SEMA5A: variants seen among roughly 807,000 people sequenced by gnomAD.
SEMA5A encodes the protein semaphorin-5A.
In SEMA5A, 55 loss-of-function variants were observed where a neutral mutation model predicts 135.5. That is an observed-to-expected ratio of 0.41 (90% confidence interval 0.33 to 0.51). The LOEUF (loss-of-function observed/expected upper bound fraction) is 0.51, where lower values mean the gene tolerates loss of function less well. Among genes scored for constraint, SEMA5A ranks in the 20% least tolerant of loss-of-function variants. SEMA5A has a pLI of 0.37. For synonymous variants in SEMA5A, 580 were observed against 546.5 expected (o/e 1.06, Z -0.85); for missense variants, 1,290 against 1,419.9 (o/e 0.91, Z 1.47).
chr5:9,281,721 C>A (rs148033852), intron 5 of SEMA5A, among the ~76,000 whole-genome samples: 125 of 152,042 alleles, frequency 8.2e-4, no homozygotes, highest in Non-Finnish European at 1.3e-3. Flanking sequence ...AACTGATTAA[C>A]AGGAACCAAG....
intron 3 of SEMA5A, among the ~76,000 whole-genome samples, chr5:9,338,862 A>G (rs1753514748): frequency 6.6e-6 from 1 of 152,150 alleles, no homozygotes; most frequent in Non-Finnish European, 1.5e-5. Context: ...CTCATATCCT[A>G]AAGAAATCGC....
chr5:9,435,817 C>G (rs1433487649), intron 2 of SEMA5A, among the ~76,000 whole-genome samples: 1 of 152,194 alleles, frequency 6.6e-6, no homozygotes, highest in Admixed American at 6.5e-5. Flanking sequence ...GGCCTGTAAG[C>G]GCCAAAATGT....
chr5:9,491,885 C>G (rs2126801583), intron 1 of SEMA5A, among the ~76,000 whole-genome samples: 1 of 152,308 alleles, frequency 6.6e-6, no homozygotes, highest in Non-Finnish European at 1.5e-5. Context: ...CAGATAAAAT[C>G]AACTGACTTG....
intron 2 of SEMA5A, among the ~76,000 whole-genome samples, chr5:9,401,451 C>T (rs142299324): frequency 0.02 from 3,117 of 152,232 alleles, 48 homozygotes; most frequent in Non-Finnish European, 0.03. Flanking sequence ...TGTGCCACCT[C>T]GTAATGTGAG....
At chr5:9,123,403 G>C (rs1740935867) in intron 13 of SEMA5A, among the ~76,000 whole-genome samples, 1 of 149,826 alleles carries the variant, frequency 6.7e-6, no homozygotes, top group Non-Finnish European at 1.5e-5. Flanking sequence ...AAAATAAGAA[G>C]AGGAAGATGA....
Position 9,459,076 on chromosome 5 carries a change from G to A in SEMA5A, c.-174-21224C>T, listed in dbSNP as rs3798032. Among the ~76,000 whole-genome samples, 677 of 152,192 alleles carry A rather than the reference G, an allele frequency of 4.4e-3. 1 individual carries two copies. Among genetic ancestry groups the A allele is most frequent in the East Asian group, 0.025 (132 of 5,178 alleles). On this transcript the variant is annotated intron_variant, in intron 1 of 22. Coordinates refer to ENST00000382496, the MANE Select transcript of SEMA5A (RefSeq NM_003966.3). Reference sequence around the variant, plus strand: ...AAATAGTGTACATAATATGCTATACGTAGTATATAAGGTTAATAGCTAATA... The same window carrying A: ...AAATAGTGTACATAATATGCTATACATAGTATATAAGGTTAATAGCTAATA...
intron 15 of SEMA5A, among the ~76,000 whole-genome samples, chr5:9,109,201 C>T (rs933940265): frequency 4.2e-4 from 64 of 151,090 alleles, no homozygotes; most frequent in Non-Finnish European, 7.5e-4. Flanking sequence ...CCACTACGCC[C>T]GGCTAATTTT....
chr5:9,413,308 T>C (rs368036240), intron 2 of SEMA5A, among the ~76,000 whole-genome samples: 1 of 152,148 alleles, frequency 6.6e-6, no homozygotes, highest in South Asian at 2.1e-4. Context: ...TAGATATATA[T>C]GGCATTAATC....
chr5:9,511,815 T>A (rs1043488602), intron 1 of SEMA5A, among the ~76,000 whole-genome samples: 2 of 152,184 alleles, frequency 1.3e-5, no homozygotes, highest in Non-Finnish European at 2.9e-5. Context: ...TAAATATATA[T>A]AACTTTTGTC....
intron 1 of SEMA5A, among the ~76,000 whole-genome samples, chr5:9,460,961 T>C (rs1759033134): frequency 6.6e-6 from 1 of 152,192 alleles, no homozygotes; most frequent in South Asian, 2.1e-4. Flanking sequence ...TTCCCTCAAT[T>C]TGCTATCTTA....
At chr5:9,259,427 A>G (rs1447046422) in intron 5 of SEMA5A, among the ~76,000 whole-genome samples, 1 of 151,696 alleles carries the variant, frequency 6.6e-6, no homozygotes, top group African/African-American at 2.4e-5. Context: ...ATAGTTTGTT[A>G]TAATTTCTGT....
intron 3 of SEMA5A, among the ~76,000 whole-genome samples, chr5:9,367,589 T>G (rs1482705028): frequency 6.6e-6 from 1 of 152,236 alleles, no homozygotes; most frequent in African/African-American, 2.4e-5. Context: ...TCAGAAATTT[T>G]CCTCCAGACT....
At chr5:9,448,179 C>A (rs1758502660) in intron 1 of SEMA5A, among the ~76,000 whole-genome samples, 1 of 152,206 alleles carries the variant, frequency 6.6e-6, no homozygotes, top group Non-Finnish European at 1.5e-5. Flanking sequence ...TCTCCCCAAC[C>A]TTTCTGAGCT....
At chr5:9,458,934 G>A (rs1364780003) in intron 1 of SEMA5A, among the ~76,000 whole-genome samples, 2 of 152,158 alleles carry the variant, frequency 1.3e-5, no homozygotes, top group African/African-American at 2.4e-5. Flanking sequence ...TTAGAATAAG[G>A]TAAGCTGTGT....
chr5:9,318,491 GAACA>G, intron 4 of SEMA5A, 74 bp from the exon 5 acceptor site: 2 of 1,262,912 alleles, frequency 1.6e-6, no homozygotes, highest in Non-Finnish European at 2.2e-6. Context: ...AAAATTTCAA[GAACA>G]AAGAAAATAA....
At chr5:9,393,754 C>G (rs1377125582) in intron 2 of SEMA5A, among the ~76,000 whole-genome samples, 1 of 152,116 alleles carries the variant, frequency 6.6e-6, no homozygotes, top group East Asian at 1.9e-4. Flanking sequence ...AAAACCAGTT[C>G]AGTGTTTAAT....
chr5:9,319,025 CA>C (rs1352566917), intron 4 of SEMA5A, among the ~76,000 whole-genome samples: 5 of 151,894 alleles, frequency 3.3e-5, no homozygotes, highest in African/African-American at 1.2e-4. Flanking sequence ...GGAACCATGG[CA>C]AAATCTGTCT....
chr5:9,494,850 G>T (rs771283947), intron 1 of SEMA5A, among the ~76,000 whole-genome samples: 15 of 152,190 alleles, frequency 9.9e-5, no homozygotes, highest in Non-Finnish European at 1.6e-4. Flanking sequence ...GCATATATCA[G>T]TGGCATCAAA....
At chr5:9,068,601 A>T (rs1169912417) in intron 16 of SEMA5A, among the ~76,000 whole-genome samples, 2 of 152,226 alleles carry the variant, frequency 1.3e-5, no homozygotes, top group Admixed American at 6.5e-5. Context: ...TCTGCTGGAC[A>T]GAGCAGGTCT....
Sources: gnomAD v4.1 joint callset for allele counts (sites outside exome capture counted in the v4.1 genomes callset) on GRCh38, gnomAD v4.1.1 for gene constraint, MANE v1.5 for transcripts, NCBI Gene and HGNC (gene_info 2026-07-23, HGNC 2026-07-21) for gene names.